Variants in GABRB1 observed in about 807,000 individuals in gnomAD.
GABRB1 encodes the protein gamma-aminobutyric acid receptor subunit beta-1.
In GABRB1, 17 loss-of-function variants were observed where a neutral mutation model predicts 51.6. The observed-to-expected ratio is 0.33, with a 90% CI of 0.23 to 0.49. GABRB1 has a LOEUF of 0.49. GABRB1 is among the 20% of genes least tolerant of loss of function. GABRB1 has a pLI of 0.99. For synonymous variants in GABRB1, 247 were observed against 218.9 expected (o/e 1.13, Z -1.14); for missense variants, 410 against 600.6 (o/e 0.68, Z 3.32).
chr4:47,243,712 G>C (rs1721626894), intron 4 of GABRB1, among the ~76,000 whole-genome samples: 1 of 152,134 alleles, frequency 6.6e-6, no homozygotes, highest in Non-Finnish European at 1.5e-5. Context: ...ATGAATGCTT[G>C]TGATTTTTGC....
chr4:47,049,114 C>A (rs1318006122), intron 3 of GABRB1, among the ~76,000 whole-genome samples: 1 of 151,198 alleles, frequency 6.6e-6, no homozygotes, highest in Non-Finnish European at 1.5e-5. Flanking sequence ...CGGTGCAAAT[C>A]CAAGTTTTCG....
At position 47,082,987 on chromosome 4, in the gene GABRB1, A is replaced by G. The variant is rs190375950; in HGVS notation, c.240+50503A>G. On this transcript the variant is annotated intron_variant, in intron 3 of 8. Coordinates refer to ENST00000295454, the MANE Select transcript of GABRB1 (RefSeq NM_000812.4). ...GAGATTATATGCAATAGAGTATGTG[A>G]AATTATCAGCCATTCATGAGTAATA... is the stretch of plus-strand genomic sequence containing the variant. Among the ~76,000 whole-genome samples, 313 of 152,272 alleles carry G rather than the reference A, an allele frequency of 2.1e-3. 5 individuals are homozygous for G. The highest frequency in any genetic ancestry group is 7.4e-3 in the African/African-American group (306 of 41,560).
chr4:47,029,981 C>CTTT, upstream of GABRB1, among the ~76,000 whole-genome samples: 1 of 152,034 alleles, frequency 6.6e-6, no homozygotes, highest in African/African-American at 2.4e-5. Context: ...TTTTCTTCTT[C>CTTT]TTCTTCCAGG....
intron 3 of GABRB1, among the ~76,000 whole-genome samples, chr4:47,104,649 T>G (rs1050544835): frequency 6.6e-6 from 1 of 151,958 alleles, no homozygotes; most frequent in African/African-American, 2.4e-5. Context: ...CCTTTTCAGT[T>G]TGGGTAAATT....
chr4:47,308,416 C>T (rs1045090812), intron 4 of GABRB1, among the ~76,000 whole-genome samples: 1 of 152,040 alleles, frequency 6.6e-6, no homozygotes, highest in South Asian at 2.1e-4. Context: ...CTGCTTTTAT[C>T]CCCTTAGGGA....
chr4:47,202,227 T>C (rs912289703), intron 4 of GABRB1, among the ~76,000 whole-genome samples: 2 of 152,116 alleles, frequency 1.3e-5, no homozygotes, highest in Admixed American at 1.3e-4. Context: ...TATAAGGAGC[T>C]CTTCGCCCTC....
chr4:47,354,587 T>G (rs1238021671), intron 5 of GABRB1, among the ~76,000 whole-genome samples: 1 of 152,164 alleles, frequency 6.6e-6, no homozygotes, highest in East Asian at 1.9e-4. Context: ...TAGGAATTTT[T>G]GTCTGTGTTT....
chr4:47,025,649 A>G (rs779344699), intron 1 of GABRB1, among the ~76,000 whole-genome samples: 1 of 151,968 alleles, frequency 6.6e-6, no homozygotes, highest in Admixed American at 6.6e-5. Context: ...CAGATTAGCA[A>G]TGTTCTTATC....
intron 4 of GABRB1, among the ~76,000 whole-genome samples, chr4:47,186,088 A>G (rs1480106988): frequency 2.0e-5 from 3 of 151,922 alleles, no homozygotes; most frequent in Admixed American, 1.3e-4. Flanking sequence ...ACGTCTTCTC[A>G]AATACTGCAT....
chr4:47,085,909 G>GCC, intron 3 of GABRB1, among the ~76,000 whole-genome samples: 1 of 152,336 alleles, frequency 6.6e-6, no homozygotes, highest in African/African-American at 2.4e-5. Flanking sequence ...CCAGGCCTCT[G>GCC]AAGGCCTAGG....
At chr4:47,187,982 C>T (rs771368994) in intron 4 of GABRB1, among the ~76,000 whole-genome samples, 2 of 151,916 alleles carry the variant, frequency 1.3e-5, no homozygotes, top group African/African-American at 2.4e-5. Context: ...ACCCTCTGTC[C>T]TCTTACCCTG....
chr4:47,036,699 C>A (rs1191866261), intron 3 of GABRB1, among the ~76,000 whole-genome samples: 2 of 151,702 alleles, frequency 1.3e-5, no homozygotes, highest in African/African-American at 2.4e-5. Flanking sequence ...CCATGTCTAC[C>A]AAAAGTATAC....
intron 3 of GABRB1, among the ~76,000 whole-genome samples, chr4:47,034,033 G>T (rs1725448035): frequency 6.6e-6 from 1 of 152,092 alleles, no homozygotes; most frequent in African/African-American, 2.4e-5. Flanking sequence ...ATTAGACAAT[G>T]AATTAGTTTA....
chr4:47,242,683 T>C (rs1721572949), intron 4 of GABRB1, among the ~76,000 whole-genome samples: 1 of 152,258 alleles, frequency 6.6e-6, no homozygotes, highest in African/African-American at 2.4e-5. Context: ...AATAATGTCT[T>C]CTTTTGAGAA....
At chr4:47,317,687 A>G (rs976816279) in intron 4 of GABRB1, among the ~76,000 whole-genome samples, 1 of 151,994 alleles carries the variant, frequency 6.6e-6, no homozygotes, top group African/African-American at 2.4e-5. Flanking sequence ...GAAAATGTTC[A>G]TATCTGTGAG....
chr4:47,262,871 T>G (rs988155315), intron 4 of GABRB1, among the ~76,000 whole-genome samples: 2 of 151,774 alleles, frequency 1.3e-5, no homozygotes, highest in Admixed American at 6.6e-5. Flanking sequence ...CCATAAAAAA[T>G]GATGAGTTCA....
chr4:47,225,686 T>C (rs1336993634), intron 4 of GABRB1, among the ~76,000 whole-genome samples: 1 of 152,138 alleles, frequency 6.6e-6, no homozygotes, highest in Non-Finnish European at 1.5e-5. Context: ...CAAAAGTGCC[T>C]CTCTTTGAGA....
chr4:47,198,408 C>T (rs6818487), intron 4 of GABRB1, among the ~76,000 whole-genome samples: 1,808 of 152,170 alleles, frequency 0.012, 28 homozygotes, highest in African/African-American at 0.041. Flanking sequence ...ACAGAAAAGG[C>T]GTAGATTGTC....
intron 3 of GABRB1, among the ~76,000 whole-genome samples, chr4:47,069,282 T>C (rs1727213008): frequency 6.6e-6 from 1 of 152,184 alleles, no homozygotes; most frequent in East Asian, 1.9e-4. Flanking sequence ...TTTGAAATAT[T>C]CCTCAAATCT....
Sources: allele counts gnomAD v4.1 joint callset (sites outside exome capture counted in the v4.1 genomes callset), GRCh38; gene constraint gnomAD v4.1.1; transcripts MANE v1.5; gene names NCBI Gene and HGNC (gene_info 2026-07-23, HGNC 2026-07-21).